ELMO1: variants seen among roughly 807,000 people sequenced by gnomAD.
ELMO1 encodes engulfment and cell motility 1.
ELMO1 carries 26 observed loss-of-function variants against 98.9 expected under a neutral mutation model. The ratio of observed to expected loss-of-function variants is 0.26; its 90% CI spans 0.19 to 0.36. The LOEUF is 0.36. Among genes scored for constraint, ELMO1 ranks in the 10% least tolerant of loss-of-function variants. The pLI, the probability that ELMO1 is intolerant of heterozygous loss-of-function variation, is 1.00. For synonymous variants in ELMO1, 346 were observed against 346.0 expected (o/e 1.00, Z 0.00); for missense variants, 627 against 935.2 (o/e 0.67, Z 4.30).
intron 15 of ELMO1, among the ~76,000 whole-genome samples, chr7:37,050,738 C>A (rs1275166044): frequency 6.8e-6 from 1 of 148,116 alleles, no homozygotes; most frequent in Non-Finnish European, 1.5e-5. Context: ...TTCAAAACAT[C>A]ATGTGGTACA....
chr7:37,261,916 A>G (rs1438121727), intron 5 of ELMO1, among the ~76,000 whole-genome samples: 1 of 152,066 alleles, frequency 6.6e-6, no homozygotes, highest in African/African-American at 2.4e-5. Context: ...GTGTTTTTCA[A>G]CTACCACCTG....
intron 19 of ELMO1, 97 bp downstream of exon 19, chr7:36,877,913 G>A (rs1804101048): frequency 1.1e-6 from 1 of 925,022 alleles, no homozygotes; most frequent in Non-Finnish European, 1.7e-6. Context: ...GTGTTCAAAG[G>A]GCTTACTTAG....
intron 16 of ELMO1, among the ~76,000 whole-genome samples, chr7:36,957,669 A>G (rs1788580720): frequency 1.3e-5 from 2 of 152,216 alleles, no homozygotes; most frequent in Admixed American, 1.3e-4. Flanking sequence ...TCGTAAGTTT[A>G]CAAGCACCAT....
chr7:36,982,779 T>G (rs989125349), intron 16 of ELMO1, among the ~76,000 whole-genome samples: 2 of 152,228 alleles, frequency 1.3e-5, no homozygotes, highest in African/African-American at 4.8e-5. Context: ...CCCTTCTTTC[T>G]CTTTTTTATT....
At chr7:37,394,899 T>C (rs1411496706) in intron 1 of ELMO1, among the ~76,000 whole-genome samples, 1 of 152,180 alleles carries the variant, frequency 6.6e-6, no homozygotes, top group African/African-American at 2.4e-5. Context: ...TTTATCCTGA[T>C]TACCGGAATG....
intron 7 of ELMO1, among the ~76,000 whole-genome samples, chr7:37,239,686 C>A (rs560818201): frequency 6.6e-6 from 1 of 150,642 alleles, no homozygotes; most frequent in South Asian, 2.1e-4. Context: ...CTGATGCCTG[C>A]GAAGGGAAGG....
At chr7:36,974,249 G>A (rs1047807140) in intron 16 of ELMO1, among the ~76,000 whole-genome samples, 1 of 152,124 alleles carries the variant, frequency 6.6e-6, no homozygotes, top group African/African-American at 2.4e-5. Context: ...GCTCAGGGAT[G>A]GTAAATACAC....
intron 6 of ELMO1, among the ~76,000 whole-genome samples, chr7:37,250,172 T>A (rs1795264129): frequency 6.6e-6 from 1 of 152,218 alleles, no homozygotes; most frequent in Non-Finnish European, 1.5e-5. Context: ...CACTGTACTA[T>A]GCACATTCTT....
At chr7:36,975,903 G>A (rs572060822) in intron 16 of ELMO1, among the ~76,000 whole-genome samples, 1 of 149,482 alleles carries the variant, frequency 6.7e-6, no homozygotes, top group East Asian at 2.0e-4. Context: ...ATAGTTGAAT[G>A]TACATACAAT....
intron 16 of ELMO1, among the ~76,000 whole-genome samples, chr7:36,975,221 G>T (rs751271250): frequency 1.6e-4 from 24 of 152,318 alleles, no homozygotes; most frequent in Non-Finnish European, 8.8e-5. Context: ...TGTAATCCCA[G>T]CACTTTGGGA....
At chr7:37,022,180 T>C (rs377664695) in intron 15 of ELMO1, among the ~76,000 whole-genome samples, 3 of 152,330 alleles carry the variant, frequency 2.0e-5, no homozygotes, top group Admixed American at 6.5e-5. Context: ...TATTCATGAC[T>C]TTAAGGTGGG....
intron 13 of ELMO1, among the ~76,000 whole-genome samples, chr7:37,194,451 C>T (rs1421979665): frequency 6.6e-6 from 1 of 152,124 alleles, no homozygotes; most frequent in Non-Finnish European, 1.5e-5. Flanking sequence ...CTTTCTATTC[C>T]CCTTCTATTT....
At chr7:37,438,942 A>T (rs1014021613) in intron 1 of ELMO1, among the ~76,000 whole-genome samples, 2 of 152,224 alleles carry the variant, frequency 1.3e-5, no homozygotes, top group Non-Finnish European at 2.9e-5. Context: ...ATCAATATCT[A>T]CAGGCAAACA....
intron 6 of ELMO1, among the ~76,000 whole-genome samples, chr7:37,246,567 A>G (rs1194058526): frequency 4.6e-5 from 7 of 152,216 alleles, no homozygotes; most frequent in Admixed American, 3.9e-4. Flanking sequence ...GACATACAAT[A>G]TGGGTCTTCA....
At chr7:36,950,058 C>G (rs773606690) in intron 16 of ELMO1, among the ~76,000 whole-genome samples, 1 of 152,160 alleles carries the variant, frequency 6.6e-6, no homozygotes, top group Non-Finnish European at 1.5e-5. Context: ...CCATTCTCCC[C>G]TTCTCACTCA....
At chr7:37,365,372 A>G (rs1050070042) in intron 1 of ELMO1, among the ~76,000 whole-genome samples, 1 of 152,218 alleles carries the variant, frequency 6.6e-6, no homozygotes, top group Non-Finnish European at 1.5e-5. Context: ...CCACAGAGTC[A>G]ACCCTGTACC....
At chr7:37,007,439 G>T (rs1793220823) in intron 16 of ELMO1, among the ~76,000 whole-genome samples, 1 of 152,208 alleles carries the variant, frequency 6.6e-6, no homozygotes, top group African/African-American at 2.4e-5. Context: ...TCCTTTCACA[G>T]CTTGCTCCAA....
intron 4 of ELMO1, among the ~76,000 whole-genome samples, chr7:37,297,168 T>C (rs928308038): frequency 2.0e-5 from 3 of 152,322 alleles, no homozygotes; most frequent in Non-Finnish European, 2.9e-5. Flanking sequence ...ATAATAAAGC[T>C]TGCCTTCACT....
intron 1 of ELMO1, among the ~76,000 whole-genome samples, chr7:37,401,252 C>T (rs1221305225): frequency 6.6e-6 from 1 of 152,150 alleles, no homozygotes; most frequent in Admixed American, 6.5e-5. Flanking sequence ...ATTCAGCCCT[C>T]ATGCACAGAT....
Sources: gnomAD v4.1 joint callset for allele counts (sites outside exome capture counted in the v4.1 genomes callset) on GRCh38, gnomAD v4.1.1 for gene constraint, MANE v1.5 for transcripts, NCBI Gene and HGNC (gene_info 2026-07-23, HGNC 2026-07-21) for gene names.